The following PRKAG3 variants were observed in gnomAD, a reference collection of about 807,000 sequenced individuals.
PRKAG3 encodes the protein protein kinase AMP-activated non-catalytic subunit gamma 3.
In PRKAG3, 39 loss-of-function variants were observed where a neutral mutation model predicts 56.5. The ratio of observed to expected loss-of-function variants is 0.69; its 90% CI spans 0.53 to 0.90. The LOEUF is 0.90. PRKAG3 is among the 40% of genes least tolerant of loss of function. The pLI, the probability that PRKAG3 is intolerant of heterozygous loss-of-function variation, is 0.00. For synonymous variants in PRKAG3, 243 were observed against 250.1 expected (o/e 0.97, Z 0.27); for missense variants, 628 against 627.5 (o/e 1.00, Z -0.01).
chr2:218,826,958 C>A (rs752588784), exon 10 of PRKAG3: 4 of 1,614,076 alleles, frequency 2.5e-6, no homozygotes, highest in African/African-American at 1.3e-5. Flanking sequence ...AGTGCAGACA[C>A]ACGCCGGTCC....
intron 1 of PRKAG3, 60 bp downstream of exon 1, chr2:218,831,678 C>T (rs978771362): frequency 3.3e-5 from 52 of 1,581,290 alleles, no homozygotes; most frequent in African/African-American, 2.3e-4. Flanking sequence ...ATTCACAGCC[C>T]GTGCGCTCAA....
chr2:218,831,359 C>T, exon 2 of PRKAG3: 2 of 1,603,634 alleles, frequency 1.2e-6, no homozygotes, highest in South Asian at 1.1e-5. Context: ...ACCCCCAAGG[C>T]TGCTCCAGGA....
chr2:218,824,657 C>G (rs1052736081), intron 10 of PRKAG3, 81 bp from the exon 11 acceptor site: 1 of 1,298,564 alleles, frequency 7.7e-7, no homozygotes, highest in Admixed American at 1.7e-5. Flanking sequence ...GTGTAGAGGG[C>G]CTAGGGCTAT....
chr2:218,825,324 A>G (rs1393293774), intron 10 of PRKAG3, among the ~76,000 whole-genome samples: 2 of 144,698 alleles, frequency 1.4e-5, no homozygotes, highest in Admixed American at 6.8e-5. Context: ...CGACAGAGCA[A>G]GACTCTGTCT....
intron 5 of PRKAG3, among the ~76,000 whole-genome samples, chr2:218,828,298 G>A (rs1354630854): frequency 6.6e-6 from 1 of 152,226 alleles, no homozygotes; most frequent in Non-Finnish European, 1.5e-5. Context: ...GGAGGTGAAA[G>A]GTGTCAGCTG....
chr2:218,830,466 G>C, intron 3 of PRKAG3, 85 bp from the exon 4 acceptor site: 10 of 1,493,296 alleles, frequency 6.7e-6, no homozygotes, highest in Non-Finnish European at 7.3e-6. Flanking sequence ...TCTCACAGCA[G>C]CAGTGGGAAG....
At chr2:218,823,480 G>C in exon 13 of PRKAG3, 1 of 473,536 alleles carries the variant, frequency 2.1e-6, no homozygotes, top group South Asian at 2.0e-5. Flanking sequence ...CATGACCTCA[G>C]CTGAAAATGG....
At chr2:218,830,402 A>G in intron 3 of PRKAG3, 21 bp from the exon 4 acceptor site, 1 of 1,600,666 alleles carries the variant, frequency 6.2e-7, no homozygotes, top group Non-Finnish European at 8.5e-7. Context: ...GAGGAGGGGA[A>G]GAGGACAGTA....
intron 5 of PRKAG3, 73 bp from the exon 6 acceptor site, chr2:218,828,135 C>T (rs779123756): frequency 1.4e-5 from 19 of 1,325,254 alleles, no homozygotes; most frequent in Non-Finnish European, 1.9e-5. Flanking sequence ...CAGATCCCCT[C>T]CCCACCCTGC....
chr2:218,823,113 A>G (rs1268831776), downstream of PRKAG3: 3 of 908,326 alleles, frequency 3.3e-6, no homozygotes, highest in Non-Finnish European at 4.0e-6. Flanking sequence ...GTGACCACAT[A>G]GGAGGGACAG....
At chr2:218,828,907 T>C (rs1006183417) in intron 4 of PRKAG3, among the ~76,000 whole-genome samples, 1 of 152,184 alleles carries the variant, frequency 6.6e-6, no homozygotes, top group African/African-American at 2.4e-5. Flanking sequence ...ATTTGGAGGG[T>C]ATGTGTGTAC....
At position 218,827,520 on chromosome 2, in the gene PRKAG3, TG is replaced by T; in HGVS notation, c.875+54del. 6.2e-7 allele frequency: 1 copy of T among 1,602,812 alleles called. No homozygotes were observed. The highest frequency in any genetic ancestry group is 8.5e-7 in the Non-Finnish European group (1 of 1,169,982). The stretch of plus-strand genomic sequence containing the variant: ...AGGTGAGTTCAGAGCTGAGTGGGAC[TG>T]GGGAAGGGGACTGTGGGAGGAGGAG... On this transcript the variant is annotated intron_variant, in intron 8 of 12. Coordinates refer to ENST00000529249, the Ensembl canonical transcript of PRKAG3. This position sits in a 1 kb window ranked among gnomAD's most constrained non-coding sequence, Gnocchi z 5.3.
rs376280147 is a variant in PRKAG3, at chr2:218,827,265, G to C, written c.984C>G (p.Leu328=). The C allele has an allele frequency of 6.2e-7, 1 of 1,614,060 alleles. No homozygotes were observed. The highest frequency in any genetic ancestry group is 8.5e-7 in the Non-Finnish European group (1 of 1,180,050). Residue 328 remains leucine, a synonymous_variant, in exon 9 of 13, where the codon CTC becomes CTG. Coordinates refer to ENST00000529249, the Ensembl canonical transcript of PRKAG3. The surrounding 1 kb of genome is among the most constrained non-coding windows in gnomAD (Gnocchi z 5.3). ...GGCTTACAAAGATGTGCAGGAACTT[G>C]AGCAGGCGTTTGTGTGTGAGGATGT...
rs147902769 is a variant in PRKAG3, at chr2:218,823,845, G to A, written c.1387C>T (p.His463Tyr). The A allele has an allele frequency of 3.3e-5, 54 of 1,614,128 alleles. No individual in the cohort carries two copies. In the African/African-American group the frequency reaches 6.4e-4, roughly 19 times the overall value. Reference sequence around the variant, plus strand: ...GAGAGGGAGACCACGCCCAAGAGATGCTGGGTCTCGTCCACTAGCACCAGC... The same window carrying A: ...GAGAGGGAGACCACGCCCAAGAGATACTGGGTCTCGTCCACTAGCACCAGC... Residue 463 changes from histidine (H) to tyrosine (Y), a missense_variant, in exon 13 of 13, where the codon CAT (histidine) becomes TAT (tyrosine). By Grantham distance (83) the His-to-Tyr change is moderately conservative. Transcript: ENST00000529249.
At chr2:218,830,974 T>A in intron 2 of PRKAG3, 73 bp from the exon 3 acceptor site, 2 of 1,538,388 alleles carry the variant, frequency 1.3e-6, no homozygotes, top group Non-Finnish European at 1.8e-6. Flanking sequence ...TTATTCATAA[T>A]CTTTAGGATT....
At chr2:218,825,503 C>G (rs1943919277) in intron 10 of PRKAG3, among the ~76,000 whole-genome samples, 1 of 151,808 alleles carries the variant, frequency 6.6e-6, no homozygotes, top group East Asian at 1.9e-4. Context: ...CAAAAATTAG[C>G]TGGGCGTGGT....
exon 5 of PRKAG3, chr2:218,828,526 G>A: frequency 6.2e-7 from 1 of 1,613,208 alleles, no homozygotes; most frequent in Non-Finnish European, 8.5e-7. Context: ...CACCCACAAA[G>A]CTCTGCTTCT....
intron 5 of PRKAG3, among the ~76,000 whole-genome samples, 183 bp from the exon 6 acceptor site, chr2:218,828,245 C>A (rs988111782): frequency 1.1e-4 from 17 of 152,208 alleles, no homozygotes; most frequent in African/African-American, 3.6e-4. Context: ...CTGCCTCCCC[C>A]CATTTGCTCC....
chr2:218,825,839 C>T (rs1943924505), intron 10 of PRKAG3, among the ~76,000 whole-genome samples: 1 of 151,104 alleles, frequency 6.6e-6, no homozygotes, highest in Admixed American at 6.6e-5. Flanking sequence ...TCACTGCAAC[C>T]TCTGCCTCCC....
Sources: gnomAD v4.1 joint callset for allele counts (sites outside exome capture counted in the v4.1 genomes callset) on GRCh38, gnomAD v4.1.1 for gene constraint, Gnocchi (gnomAD v3.1) non-coding constraint, MANE v1.5 for transcripts, NCBI Gene and HGNC (gene_info 2026-07-23, HGNC 2026-07-21) for gene names.